Variants in ADAMTS6 observed in about 807,000 individuals in gnomAD.
ADAMTS6 encodes ADAM metallopeptidase with thrombospondin type 1 motif 6.
Under a neutral mutation model 144.3 loss-of-function variants are expected in ADAMTS6, and 23 were observed. The observed-to-expected ratio is 0.16, with a 90% CI of 0.11 to 0.23. The LOEUF (loss-of-function observed/expected upper bound fraction) is 0.23. Among genes scored for constraint, ADAMTS6 ranks in the 10% least tolerant of loss-of-function variants. The probability of loss-of-function intolerance (pLI) is 1.00; values close to 1 mark genes in which losing one functional copy is unlikely to be tolerated. For missense variants in ADAMTS6, 999 were observed against 1,379.6 expected (o/e 0.72, Z 4.37); for synonymous variants, 444 against 457.5 (o/e 0.97, Z 0.38).
At chr5:65,323,840 G>A (rs1745895494) in intron 9 of ADAMTS6, among the ~76,000 whole-genome samples, 1 of 152,082 alleles carries the variant, frequency 6.6e-6, no homozygotes, top group Non-Finnish European at 1.5e-5. Flanking sequence ...TCTCATTGTG[G>A]TTTTGATTTG....
rs2111933277 is a variant in ADAMTS6 at position 65,151,595 on chromosome 5, T to C, written c.*241A>G. 6.8e-6 allele frequency: 3 copies of C among 441,300 alleles called. No individual in the cohort carries two copies. The highest frequency in any genetic ancestry group is 3.1e-5 in the East Asian group (1 of 32,186). 27.3% of individuals were successfully genotyped at this position (441,300 alleles called of 1,614,324 possible). A position where few individuals can be genotyped will look rare whatever the true frequency, so the allele number is the denominator to read the frequency against. On this transcript the variant is annotated 3_prime_UTR_variant, in exon 25 of 25. Coordinates refer to ENST00000381055, the MANE Select transcript of ADAMTS6 (RefSeq NM_197941.4). ...CAGTAAGCAAGTCTCCCTGTGTTGT[T>C]TGGATCTCTCCAATCTGGCATTCCC...
intron 9 of ADAMTS6, among the ~76,000 whole-genome samples, chr5:65,324,462 GGCAACA>G (rs1745972367): frequency 6.6e-6 from 1 of 151,612 alleles, no homozygotes; most frequent in African/African-American, 2.4e-5. Context: ...CTTTTCATAA[GGCAACA>G]ATTTAAAAAG....
At chr5:65,234,330 A>T (rs866590542) in intron 15 of ADAMTS6, among the ~76,000 whole-genome samples, 29 of 152,116 alleles carry the variant, frequency 1.9e-4, no homozygotes, top group African/African-American at 6.7e-4. Flanking sequence ...GAAACAATCA[A>T]CAAAATGAAA....
chr5:65,298,469 C>T (rs1173116811), intron 10 of ADAMTS6, among the ~76,000 whole-genome samples: 2 of 152,036 alleles, frequency 1.3e-5, no homozygotes, highest in African/African-American at 4.8e-5. Context: ...GACTTGATGT[C>T]TAGGGAGAGC....
chr5:65,307,378 A>C (rs1482895964), intron 9 of ADAMTS6, among the ~76,000 whole-genome samples: 1 of 152,232 alleles, frequency 6.6e-6, no homozygotes, highest in Non-Finnish European at 1.5e-5. Flanking sequence ...ATGAAGGCTT[A>C]GAGGTTTAGT....
intron 9 of ADAMTS6, among the ~76,000 whole-genome samples, chr5:65,328,195 A>C (rs1357736453): frequency 6.6e-6 from 1 of 152,090 alleles, no homozygotes; most frequent in Non-Finnish European, 1.5e-5. Context: ...ATTTGATTGC[A>C]ATTTTGAAAT....
intron 7 of ADAMTS6, among the ~76,000 whole-genome samples, chr5:65,423,954 T>C (rs1355469561): frequency 3.3e-5 from 5 of 152,194 alleles, no homozygotes; most frequent in Admixed American, 3.3e-4. Flanking sequence ...CTATTTATCT[T>C]AATTTTTTTC....
At chr5:65,403,782 C>A (rs1175860111) in intron 7 of ADAMTS6, among the ~76,000 whole-genome samples, 2 of 152,044 alleles carry the variant, frequency 1.3e-5, no homozygotes, top group Non-Finnish European at 2.9e-5. Flanking sequence ...ATATAACTCT[C>A]TAGACTCCAT....
intron 3 of ADAMTS6, among the ~76,000 whole-genome samples, chr5:65,469,693 C>T (rs1760286578): frequency 6.6e-6 from 1 of 152,126 alleles, no homozygotes; most frequent in East Asian, 1.9e-4. Flanking sequence ...GGAGCACATT[C>T]CTATATACAT....
intron 7 of ADAMTS6, among the ~76,000 whole-genome samples, chr5:65,390,677 A>C (rs1752838816): frequency 2.0e-5 from 3 of 152,364 alleles, no homozygotes; most frequent in African/African-American, 7.2e-5. Context: ...ATAATAAATT[A>C]GGATATTATC....
intron 1 of ADAMTS6, among the ~76,000 whole-genome samples, chr5:65,478,513 T>C (rs886889069): frequency 3.3e-5 from 5 of 152,232 alleles, no homozygotes; most frequent in African/African-American, 1.2e-4. Context: ...TCACAAAGAC[T>C]TGTTAAGAGA....
intron 22 of ADAMTS6, among the ~76,000 whole-genome samples, chr5:65,177,871 A>G (rs576090417): frequency 6.6e-6 from 1 of 152,292 alleles, no homozygotes. Context: ...CGTGGGCTGC[A>G]TGGTAGCTCT....
intron 12 of ADAMTS6, among the ~76,000 whole-genome samples, chr5:65,266,748 A>G (rs1561352270): frequency 6.6e-6 from 1 of 151,996 alleles, no homozygotes; most frequent in Non-Finnish European, 1.5e-5. Flanking sequence ...AACCTACGGA[A>G]CAACTTGTTT....
chr5:65,239,670 T>A lies in ADAMTS6; in HGVS notation c.1933+2434A>T, dbSNP rs542793791. 3.9e-5 allele frequency among the ~76,000 whole-genome samples: 6 copies of A among 152,126 alleles called. No individual in the cohort carries two copies. The South Asian group carries it at 1.2e-3, about 32-fold the overall frequency. Reference sequence around the variant, plus strand: ...GTAAAACTTATAAATGACTACCACTTGAGAAGGTAAAACAACCCAATTAAA... The same window carrying A: ...GTAAAACTTATAAATGACTACCACTAGAGAAGGTAAAACAACCCAATTAAA... On this transcript the variant is annotated intron_variant, in intron 15 of 24. Coordinates refer to ENST00000381055, the MANE Select transcript of ADAMTS6 (RefSeq NM_197941.4).
chr5:65,167,314 C>T (rs1418448386), intron 24 of ADAMTS6, among the ~76,000 whole-genome samples: 8 of 151,330 alleles, frequency 5.3e-5, no homozygotes, highest in African/African-American at 1.9e-4. Flanking sequence ...ACACATACAC[C>T]CTCCCAAGAC....
chr5:65,345,977 C>G (rs1164718172), intron 7 of ADAMTS6, among the ~76,000 whole-genome samples: 1 of 151,888 alleles, frequency 6.6e-6, no homozygotes, highest in Non-Finnish European at 1.5e-5. Flanking sequence ...AATCTAAACA[C>G]GTTAGCCTGA....
chr5:65,189,818 A>T (rs934646442), intron 21 of ADAMTS6, among the ~76,000 whole-genome samples: 2 of 152,234 alleles, frequency 1.3e-5, no homozygotes, highest in Non-Finnish European at 2.9e-5. Flanking sequence ...TCATTTTAAC[A>T]TTGCTGAATA....
intron 12 of ADAMTS6, among the ~76,000 whole-genome samples, chr5:65,263,624 A>C (rs1367539133): frequency 1.3e-5 from 2 of 152,200 alleles, no homozygotes; most frequent in African/African-American, 4.8e-5. Context: ...TACTCTCCGT[A>C]ATAAACCACA....
At chr5:65,219,932 C>A (rs1284713320) in intron 18 of ADAMTS6, among the ~76,000 whole-genome samples, 1 of 152,052 alleles carries the variant, frequency 6.6e-6, no homozygotes, top group African/African-American at 2.4e-5. Context: ...GAGATATCGA[C>A]GTAATTCTTT....
Sources: gnomAD v4.1 joint callset for allele counts (sites outside exome capture counted in the v4.1 genomes callset) on GRCh38, gnomAD v4.1.1 for gene constraint, MANE v1.5 for transcripts, NCBI Gene and HGNC (gene_info 2026-07-23, HGNC 2026-07-21) for gene names.